KIAA0232: variants seen among roughly 807,000 people sequenced by gnomAD.
KIAA0232 encodes the protein KIAA0232, also known as uncharacterized protein KIAA0232.
In KIAA0232, 27 loss-of-function variants were observed where a neutral mutation model predicts 122.0. The observed-to-expected ratio is 0.22, with a 90% CI of 0.16 to 0.31. The LOEUF is 0.31. Ranked by LOEUF, KIAA0232 falls within the 10% of genes least tolerant of loss-of-function variation. The probability of loss-of-function intolerance (pLI) is 1.00; values close to 1 mark genes in which losing one functional copy is unlikely to be tolerated. For missense variants in KIAA0232, 1,551 were observed against 1,634.2 expected (o/e 0.95, Z 0.88); for synonymous variants, 613 against 587.6 (o/e 1.04, Z -0.63).
chr4:6,837,730 G>A (rs1719397607), intron 3 of KIAA0232, among the ~76,000 whole-genome samples: 2 of 152,216 alleles, frequency 1.3e-5, no homozygotes, highest in South Asian at 2.1e-4. Flanking sequence ...CAGCCAACAC[G>A]GCGAAACCCC....
rs114315330 is a variant in KIAA0232, at chr4:6,784,605, C to T, written c.-354+1764C>T. Among the ~76,000 whole-genome samples, 618 of 152,302 alleles carry T rather than the reference C, an allele frequency of 4.1e-3. 1 individual carries two copies. Among genetic ancestry groups the T allele is most frequent in the East Asian group, 6.5e-3 (34 of 5,192 alleles). On this transcript the variant is annotated intron_variant, in intron 1 of 9. Coordinates refer to ENST00000307659, the MANE Select transcript of KIAA0232 (RefSeq NM_014743.3). ...TGCCTTTGCATATCTATAGAAGCTC[C>T]TTTCACTTAATATATCTTATAACTC...
intron 9 of KIAA0232, among the ~76,000 whole-genome samples, chr4:6,879,065 G>T (rs1348998145): frequency 2.6e-5 from 4 of 151,972 alleles, no homozygotes; most frequent in South Asian, 4.2e-4. Flanking sequence ...CAGCCACTTC[G>T]CATCTCCCAC....
chr4:6,845,787 C>T (rs962274463), intron 4 of KIAA0232, among the ~76,000 whole-genome samples: 1 of 152,116 alleles, frequency 6.6e-6, no homozygotes, highest in Non-Finnish European at 1.5e-5. Flanking sequence ...GGGGAAATGA[C>T]AGGGGCAGCT....
chr4:6,870,816 AAGG>A (rs919151631), intron 7 of KIAA0232, among the ~76,000 whole-genome samples: 1 of 151,182 alleles, frequency 6.6e-6, no homozygotes, highest in Non-Finnish European at 1.5e-5. Context: ...AAAAAAAAAA[AAGG>A]AAGTTTCTTT....
chr4:6,814,213 T>G (rs1259654993), intron 2 of KIAA0232, among the ~76,000 whole-genome samples: 5 of 152,048 alleles, frequency 3.3e-5, no homozygotes, highest in South Asian at 4.2e-4. Flanking sequence ...AAAGAGAGGT[T>G]GTTGTATTTC....
intron 5 of KIAA0232, 49 bp downstream of exon 5, chr4:6,857,279 G>C (rs1194395431): frequency 6.7e-7 from 1 of 1,486,844 alleles, no homozygotes; most frequent in South Asian, 1.2e-5. Context: ...ACATCCCTGA[G>C]GAATCTGGAT....
At chr4:6,795,493 C>A (rs191579738) in intron 1 of KIAA0232, among the ~76,000 whole-genome samples, 1 of 152,198 alleles carries the variant, frequency 6.6e-6, no homozygotes, top group East Asian at 1.9e-4. Context: ...TTAATTTTTA[C>A]CTTCATTATA....
chr4:6,816,014 CAT>C (rs1417275662), intron 2 of KIAA0232, among the ~76,000 whole-genome samples: 1 of 152,100 alleles, frequency 6.6e-6, no homozygotes, highest in Non-Finnish European at 1.5e-5. Context: ...TTAAAGTAAA[CAT>C]AATAAAACTA....
intron 3 of KIAA0232, 106 bp from the exon 4 acceptor site, chr4:6,841,961 T>C (rs1719686431): frequency 3.1e-6 from 4 of 1,278,786 alleles, no homozygotes; most frequent in South Asian, 2.7e-5. Context: ...CTAAAACTCG[T>C]ATGGAAATGC....
At chr4:6,824,067 A>G (rs1225700382) in intron 2 of KIAA0232, 118 bp from the exon 3 acceptor site, 2 of 395,076 alleles carry the variant, frequency 5.1e-6, no homozygotes, top group African/African-American at 2.1e-5. Context: ...TCAGTGTTCT[A>G]AGATACCAAA....
chr4:6,791,722 TA>T (rs1226068878), intron 1 of KIAA0232, among the ~76,000 whole-genome samples: 1 of 152,148 alleles, frequency 6.6e-6, no homozygotes, highest in Non-Finnish European at 1.5e-5. Context: ...AGATAAATTT[TA>T]AAAAATGGAA....
At chr4:6,853,921 C>T (rs1299417193) in intron 4 of KIAA0232, among the ~76,000 whole-genome samples, 1 of 152,172 alleles carries the variant, frequency 6.6e-6, no homozygotes, top group African/African-American at 2.4e-5. Flanking sequence ...CAGTCTCCAT[C>T]ATCATTTAAC....
At position 6,881,251 on chromosome 4, in the gene KIAA0232, G is replaced by A. The variant is rs769071140; in HGVS notation, c.*285G>A. On this transcript the variant is annotated 3_prime_UTR_variant, in exon 10 of 10. Coordinates refer to ENST00000307659, the MANE Select transcript of KIAA0232 (RefSeq NM_014743.3). Reference sequence around the variant, plus strand: ...ATGTGCTTGTCTTAGAAGTATCACTGCTTTTTGCATCTTAACTGCAGTTAA... The same window carrying A: ...ATGTGCTTGTCTTAGAAGTATCACTACTTTTTGCATCTTAACTGCAGTTAA... 7.9e-6 allele frequency: 2 copies of A among 254,204 alleles called. No individual in the cohort carries two copies. Among genetic ancestry groups the A allele is most frequent in the Non-Finnish European group, 1.5e-5 (2 of 134,738 alleles). The allele number at this position is 254,204 out of a possible 1,614,324, so 15.7% of individuals were successfully genotyped here. A position where few individuals can be genotyped will look rare whatever the true frequency, so the allele number is the denominator to read the frequency against.
At chr4:6,876,915 T>C (rs1484055620) in intron 9 of KIAA0232, among the ~76,000 whole-genome samples, 158 bp downstream of exon 9, 1 of 152,148 alleles carries the variant, frequency 6.6e-6, no homozygotes, top group Admixed American at 6.5e-5. Flanking sequence ...CTGGCCTTTG[T>C]TCTGAGTCTG....
chr4:6,840,473 G>A (rs923560358), intron 3 of KIAA0232, among the ~76,000 whole-genome samples: 6 of 152,274 alleles, frequency 3.9e-5, no homozygotes, highest in South Asian at 4.1e-4. Flanking sequence ...TCCAAGTGGC[G>A]TGTGCTTTTT....
chr4:6,799,619 C>A (rs550530314), intron 1 of KIAA0232, among the ~76,000 whole-genome samples: 1 of 152,144 alleles, frequency 6.6e-6, no homozygotes, highest in Non-Finnish European at 1.5e-5. Context: ...ATTAGAAAGA[C>A]TCTTATAATA....
chr4:6,854,439 C>G (rs1720466009), intron 4 of KIAA0232, among the ~76,000 whole-genome samples: 1 of 152,152 alleles, frequency 6.6e-6, no homozygotes. Flanking sequence ...GAGTGATTAT[C>G]ATGTAAATCT....
At chr4:6,783,370 C>T (rs994051683) in intron 1 of KIAA0232, among the ~76,000 whole-genome samples, 2 of 152,314 alleles carry the variant, frequency 1.3e-5, no homozygotes, top group East Asian at 3.9e-4. Context: ...TGCCTCCTGC[C>T]TGGGGCAGGT....
intron 2 of KIAA0232, 72 bp downstream of exon 2, chr4:6,804,678 A>G (rs758385033): frequency 6.6e-6 from 1 of 152,246 alleles, no homozygotes; most frequent in Non-Finnish European, 1.5e-5. Context: ...GGGAATACTA[A>G]TTGATTTACT....
Sources: allele counts gnomAD v4.1 joint callset (sites outside exome capture counted in the v4.1 genomes callset), GRCh38; gene constraint gnomAD v4.1.1; transcripts MANE v1.5; gene names NCBI Gene and HGNC (gene_info 2026-07-23, HGNC 2026-07-21).